Variants in KCNIP1 observed in about 807,000 individuals in gnomAD.
KCNIP1 encodes A-type potassium channel modulatory protein KCNIP1.
Under a neutral mutation model 33.0 loss-of-function variants are expected in KCNIP1, and 18 were observed. That is an observed-to-expected ratio of 0.55 (90% CI 0.38 to 0.81). The LOEUF (loss-of-function observed/expected upper bound fraction) is 0.81. KCNIP1 is among the 30% of genes least tolerant of loss of function. The pLI, the probability that KCNIP1 is intolerant of heterozygous loss-of-function variation, is 0.00. For synonymous variants in KCNIP1, 93 were observed against 98.3 expected (o/e 0.95, Z 0.32); for missense variants, 238 against 271.6 (o/e 0.88, Z 0.87).
At chr5:170,612,069 G>A (rs563638192) in intron 1 of KCNIP1, among the ~76,000 whole-genome samples, 2 of 152,318 alleles carry the variant, frequency 1.3e-5, no homozygotes, top group Admixed American at 6.5e-5. Flanking sequence ...TGTCTACCCT[G>A]TCAGGTTTCC....
Position 170,726,745 on chromosome 5 carries a change from C to CAAAAAAAAAAAAAA in KCNIP1, c.435+3931_435+3944dup, listed in dbSNP as rs57173351. On this transcript the variant is annotated intron_variant, in intron 5 of 7. Coordinates refer to ENST00000328939, the MANE Select transcript of KCNIP1 (RefSeq NM_014592.4). ...CGAGACACTGTCTCTACTAAAAATA[C>CAAAAAAAAAAAAAA]AAAAAAAAAAAAAAAAAAAGCCAGA... 1.1e-4 allele frequency among the ~76,000 whole-genome samples: 6 copies of CAAAAAAAAAAAAAA among 56,684 alleles called. 1 individual carries two copies. Among genetic ancestry groups the CAAAAAAAAAAAAAA allele is most frequent in the South Asian group, 6.5e-4 (1 of 1,536 alleles). 37.2% of individuals were successfully genotyped at this position (56,684 alleles called of 152,430 possible).
At chr5:170,356,826 G>A (rs1355465194) in intron 1 of KCNIP1, among the ~76,000 whole-genome samples, 1 of 152,208 alleles carries the variant, frequency 6.6e-6, no homozygotes, top group Non-Finnish European at 1.5e-5. Context: ...TGGTACAGGA[G>A]CTTTCTAGGA....
chr5:170,516,425 C>T (rs1396654911), intron 1 of KCNIP1, among the ~76,000 whole-genome samples: 3 of 152,314 alleles, frequency 2.0e-5, no homozygotes, highest in East Asian at 1.9e-4. Flanking sequence ...TCAGCATCTT[C>T]GAGCATCCCA....
At chr5:170,367,136 C>G (rs562522732) in intron 1 of KCNIP1, among the ~76,000 whole-genome samples, 1 of 151,664 alleles carries the variant, frequency 6.6e-6, no homozygotes, top group Non-Finnish European at 1.5e-5. Flanking sequence ...CTGACCACAG[C>G]GAAACCCTGT....
At chr5:170,672,067 A>G (rs1761947743) in intron 1 of KCNIP1, among the ~76,000 whole-genome samples, 1 of 152,200 alleles carries the variant, frequency 6.6e-6, no homozygotes, top group African/African-American at 2.4e-5. Context: ...TGCTTCTGGA[A>G]GGAAAAGGTA....
intron 1 of KCNIP1, among the ~76,000 whole-genome samples, chr5:170,708,311 A>G (rs1763327584): frequency 6.6e-6 from 1 of 152,246 alleles, no homozygotes; most frequent in Admixed American, 6.5e-5. Flanking sequence ...AAATGCCAGC[A>G]TGCCATCATT....
At chr5:170,720,876 T>C (rs58137889) in intron 3 of KCNIP1, among the ~76,000 whole-genome samples, 240 of 152,290 alleles carry the variant, frequency 1.6e-3, no homozygotes, top group African/African-American at 5.4e-3. Flanking sequence ...CCGAAGACTA[T>C]AAAAATAAAC....
At chr5:170,420,348 C>A (rs1755449895) in intron 1 of KCNIP1, 1 of 152,106 alleles carries the variant, frequency 6.6e-6, no homozygotes, top group Non-Finnish European at 1.5e-5. Flanking sequence ...ATGTTCTCTT[C>A]TTTATGATTT....
chr5:170,725,501 G>A (rs1254881025), intron 5 of KCNIP1, among the ~76,000 whole-genome samples: 2 of 152,108 alleles, frequency 1.3e-5, no homozygotes, highest in African/African-American at 4.8e-5. Flanking sequence ...GCAGAAGGAC[G>A]GTTACCAGAG....
At chr5:170,732,544 G>A (rs1020539028) in intron 5 of KCNIP1, among the ~76,000 whole-genome samples, 9 of 152,216 alleles carry the variant, frequency 5.9e-5, no homozygotes, top group African/African-American at 2.2e-4. Flanking sequence ...CCCCACTGAA[G>A]ACAATGCCCA....
intron 1 of KCNIP1, among the ~76,000 whole-genome samples, chr5:170,616,658 C>G (rs1338318384): frequency 1.3e-5 from 2 of 152,178 alleles, no homozygotes; most frequent in Non-Finnish European, 2.9e-5. Flanking sequence ...TCTTCAGCAT[C>G]CTCCTTAGAT....
chr5:170,481,618 A>C (rs1425241914), intron 1 of KCNIP1, among the ~76,000 whole-genome samples: 3 of 152,208 alleles, frequency 2.0e-5, no homozygotes, highest in Admixed American at 1.3e-4. Context: ...TTGTATATTT[A>C]GAAAATAAAT....
Position 170,663,144 on chromosome 5 carries a change from G to A in KCNIP1, c.62-55614G>A, listed in dbSNP as rs564999358. On this transcript the variant is annotated intron_variant, in intron 1 of 7. Coordinates refer to ENST00000328939, the MANE Select transcript of KCNIP1 (RefSeq NM_014592.4). ...AGGTGTTGGTTCTGATCCTCTCAACGACTCCCAAGGGAATATGTCAGCTCC... is the reference window on the plus strand; with the variant it reads ...AGGTGTTGGTTCTGATCCTCTCAACAACTCCCAAGGGAATATGTCAGCTCC... Among the ~76,000 whole-genome samples, 6 of 152,144 alleles carry A rather than the reference G, an allele frequency of 3.9e-5. No homozygotes were observed. The South Asian group carries it at 8.3e-4, about 21-fold the overall frequency.
At chr5:170,392,380 A>G (rs1754626182) in intron 1 of KCNIP1, among the ~76,000 whole-genome samples, 1 of 152,198 alleles carries the variant, frequency 6.6e-6, no homozygotes, top group South Asian at 2.1e-4. Flanking sequence ...TTTTGGGGTA[A>G]TTTGTTATGC....
In KCNIP1 at chr5:170,530,332, G is replaced by T. The variant is rs533536490; in HGVS notation, c.61+25699G>T. Among the ~76,000 whole-genome samples, 4 of 152,336 alleles carry T rather than the reference G, an allele frequency of 2.6e-5. No homozygotes were observed. The South Asian group carries it at 8.3e-4, about 32-fold the overall frequency. On this transcript the variant is annotated intron_variant, in intron 1 of 7. Coordinates refer to ENST00000328939, the MANE Select transcript of KCNIP1 (RefSeq NM_014592.4). ...AGTCAACATGTCAGGTACTATAATAGAGGCTTTGCGTAACTGCTCCTTTTA... is the reference window on the plus strand; with the variant it reads ...AGTCAACATGTCAGGTACTATAATATAGGCTTTGCGTAACTGCTCCTTTTA...
At chr5:170,672,609 A>G (rs1650633647) in intron 1 of KCNIP1, among the ~76,000 whole-genome samples, 1 of 152,266 alleles carries the variant, frequency 6.6e-6, no homozygotes, top group African/African-American at 2.4e-5. Flanking sequence ...TAATAATAGC[A>G]TTGAGAGCTG....
At chr5:170,620,903 T>A (rs1254788522) in intron 1 of KCNIP1, among the ~76,000 whole-genome samples, 1 of 152,166 alleles carries the variant, frequency 6.6e-6, no homozygotes, top group Non-Finnish European at 1.5e-5. Context: ...GGTATCCTCT[T>A]GACTGACAGC....
intron 1 of KCNIP1, among the ~76,000 whole-genome samples, chr5:170,434,671 G>T (rs1326261637): frequency 2.0e-5 from 3 of 152,146 alleles, no homozygotes; most frequent in Non-Finnish European, 4.4e-5. Context: ...AAAACAAGAT[G>T]GGGCCTGGTG....
At chr5:170,566,115 G>GC (rs1757195778) in intron 1 of KCNIP1, among the ~76,000 whole-genome samples, 1 of 151,604 alleles carries the variant, frequency 6.6e-6, no homozygotes, top group Admixed American at 6.6e-5. Flanking sequence ...TGCAACCTCT[G>GC]CCTCCCGGGT....
Sources: gnomAD v4.1 joint callset for allele counts (sites outside exome capture counted in the v4.1 genomes callset) on GRCh38, gnomAD v4.1.1 for gene constraint, MANE v1.5 for transcripts, NCBI Gene and HGNC (gene_info 2026-07-23, HGNC 2026-07-21) for gene names.